SERPINB5: variants seen among roughly 807,000 people sequenced by gnomAD.
The protein encoded by SERPINB5 is serpin family B member 5, also known as serpin B5.
In SERPINB5, 27 loss-of-function variants were observed where a neutral mutation model predicts 32.2. The observed-to-expected ratio is 0.84, with a 90% CI of 0.62 to 1.16. SERPINB5 has a LOEUF of 1.16. Ranked by LOEUF, SERPINB5 falls within the 50% of genes most tolerant of loss-of-function variation. The pLI is 0.00. For synonymous variants in SERPINB5, 154 were observed against 157.4 expected (o/e 0.98, Z 0.16); for missense variants, 388 against 436.3 (o/e 0.89, Z 0.99).
In SERPINB5 at chr18:63,484,665, C is replaced by A. The variant is rs2292295; in HGVS notation, c.168+69C>A. The A allele has an allele frequency of 6.8e-5, 92 of 1,359,412 alleles. No individual in the cohort carries two copies. In the African/African-American group the frequency reaches 9.0e-4, roughly 13 times the overall value. The allele number at this position is 1,359,412 out of a possible 1,614,324, so 84.2% of individuals were successfully genotyped here. On this transcript the variant is annotated intron_variant, in intron 2 of 6. Coordinates refer to ENST00000382771, the MANE Select transcript of SERPINB5 (RefSeq NM_002639.5). ...TATTAGAACCCATAGGCAGTGCCTA[C>A]GGAAAAAAGGAATGTAGACTTTGTG... is the stretch of plus-strand genomic sequence containing the variant.
intron 2 of SERPINB5, 79 bp from the exon 3 acceptor site, chr18:63,486,867 G>A: frequency 2.7e-6 from 4 of 1,470,088 alleles, no homozygotes; most frequent in Admixed American, 1.9e-5. Flanking sequence ...CAAGGACGTT[G>A]GTCATTATCA....
chr18:63,497,283 C>G lies in SERPINB5; in HGVS notation c.568-1837C>G. On this transcript the variant is annotated intron_variant, in intron 5 of 6. Coordinates refer to ENST00000382771, the MANE Select transcript of SERPINB5 (RefSeq NM_002639.5). ...TTGGCAGCTTGATCATTGGTTATTCCAGGAACCCATCTCTCAAGCAGCAGC... is the reference window on the plus strand; with the variant it reads ...TTGGCAGCTTGATCATTGGTTATTCGAGGAACCCATCTCTCAAGCAGCAGC... 5.1e-6 allele frequency: 6 copies of G among 1,169,622 alleles called. No individual in the cohort carries two copies. In the South Asian group the frequency reaches 7.2e-5, roughly 14 times the overall value. The allele number at this position is 1,169,622 out of a possible 1,614,324, so 72.5% of individuals were successfully genotyped here. A position where few individuals can be genotyped will look rare whatever the true frequency, so the allele number is the denominator to read the frequency against.
At chr18:63,493,307 A>G in intron 5 of SERPINB5, 1 of 636,524 alleles carries the variant, frequency 1.6e-6, no homozygotes, top group Non-Finnish European at 2.7e-6. Context: ...GTCTTCAAGG[A>G]TCTGAGCTGA....
chr18:63,499,757 G>T (rs892530378), intron 6 of SERPINB5, among the ~76,000 whole-genome samples: 8 of 152,040 alleles, frequency 5.3e-5, no homozygotes, highest in African/African-American at 1.9e-4. Context: ...GCTACGCACT[G>T]CCAGGTCCAC....
At chr18:63,491,272 C>T (rs1246073933) in intron 4 of SERPINB5, among the ~76,000 whole-genome samples, 6 of 151,594 alleles carry the variant, frequency 4.0e-5, no homozygotes, top group African/African-American at 9.7e-5. Flanking sequence ...CATGGTGTCA[C>T]GCACCTGTAG....
At chr18:63,491,398 G>A (rs1234578071) in intron 4 of SERPINB5, among the ~76,000 whole-genome samples, 2 of 94,022 alleles carry the variant, frequency 2.1e-5, no homozygotes, top group African/African-American at 4.2e-5. Flanking sequence ...GAGAAACTGC[G>A]TCTCCCAAAA....
In SERPINB5 at chr18:63,484,525, A is replaced by ATCTG. The variant is rs747420709; in HGVS notation, c.101_104dup (p.Thr37LeufsTer12). The ATCTG allele has an allele frequency of 6.2e-7, 1 of 1,614,134 alleles. No individual in the cohort carries two copies. Among genetic ancestry groups the ATCTG allele is most frequent in the South Asian group, 1.1e-5 (1 of 91,068 alleles). ...ACTGGGCAATGTCCTCTTCTCTCCA[A>ATCTG]TCTGTCTCTCCACCTCTCTGTCACT... On this transcript the variant is annotated frameshift_variant, in exon 2 of 7. Coordinates refer to ENST00000382771, the MANE Select transcript of SERPINB5 (RefSeq NM_002639.5). LOFTEE classifies it high-confidence loss of function.
chr18:63,499,034 TGCGC>T (rs71821111), intron 5 of SERPINB5, 82 bp from the exon 6 acceptor site: 62,488 of 539,120 alleles, frequency 0.12, 2,077 homozygotes, highest in Admixed American at 0.14. Flanking sequence ...TGTGTGTGTG[TGCGC>T]GCGTGTGTGT....
At chr18:63,503,015 T>C (rs576529441) in intron 6 of SERPINB5, among the ~76,000 whole-genome samples, 17 of 151,822 alleles carry the variant, frequency 1.1e-4, no homozygotes, top group South Asian at 8.3e-4. Context: ...CAGAACAAGA[T>C]TGTCTAAAAA....
At chr18:63,478,599 C>T (rs563243649) in intron 1 of SERPINB5, among the ~76,000 whole-genome samples, 6 of 152,080 alleles carry the variant, frequency 3.9e-5, no homozygotes, top group Admixed American at 1.3e-4. Flanking sequence ...TTTGGCATTC[C>T]ATTACTGATA....
At position 63,499,199 on chromosome 18, in the gene SERPINB5, T is replaced by C. The variant is rs761608160; in HGVS notation, c.647T>C (p.Ile216Thr). The C allele has an allele frequency of 3.1e-6, 5 of 1,602,408 alleles. No homozygotes were observed. In the Admixed American group the frequency reaches 8.5e-5, roughly 27 times the overall value. Residue 216 changes from isoleucine (I) to threonine (T), a missense_variant, in exon 6 of 7, where the codon ATC becomes ACC. Transcript: ENST00000382771. ...MGNIDSINCK[I>T]IELPFQNKHL... ...AACATTGACAGTATCAATTGTAAGA[T>C]CATAGAGCTTCCTTTTCAAAATAAG...
Position 63,503,546 on chromosome 18 carries a change from G to T in SERPINB5, c.952G>T (p.Val318Phe). 6.2e-7 allele frequency: 1 copy of T among 1,614,238 alleles called. No homozygotes were observed. Among genetic ancestry groups the T allele is most frequent in the Non-Finnish European group, 8.5e-7 (1 of 1,180,042 alleles). The change falls in exon 7 of 7, where the codon GTT becomes TTT. Residue 318 changes from valine (V) to phenylalanine (F), a missense_variant. By Grantham distance (50) the Val-to-Phe change is conservative. Transcript: ENST00000382771. Reference protein sequence around the residue: ...SETKGVALSNVIHKVCLEITE... With the variant: ...SETKGVALSNFIHKVCLEITE... Reference sequence around the variant, plus strand: ...GACCAAGGGAGTGGCCCTATCAAATGTTATCCACAAAGTGTGCTTAGAAAT... The same window carrying T: ...GACCAAGGGAGTGGCCCTATCAAATTTTATCCACAAAGTGTGCTTAGAAAT...
At chr18:63,493,482 A>G (rs1909383066) in intron 5 of SERPINB5, 2 of 434,302 alleles carry the variant, frequency 4.6e-6, no homozygotes, top group Non-Finnish European at 8.0e-6. Context: ...CTTGTTCCTG[A>G]TTGATTAACT....
rs777782137 is a variant in SERPINB5 at position 63,493,093 on chromosome 18, A to G, written c.565A>G (p.Lys189Glu). 6.2e-7 allele frequency: 1 copy of G among 1,614,216 alleles called. No homozygotes were observed. Among genetic ancestry groups the G allele is most frequent in the Non-Finnish European group, 8.5e-7 (1 of 1,180,044 alleles). Residue 189 changes from lysine to glutamate, a missense_variant and splice_region_variant, in exon 5 of 7, where the codon AAG (lysine) becomes GAG (glutamate). Coordinates refer to ENST00000382771, the MANE Select transcript of SERPINB5 (RefSeq NM_002639.5). ...AAAAGAATGTCCTTTCAGAGTCAAC[A>G]AGGTATGTGGGGCAGCATGTAGCAG... ...ETKECPFRVN[K>E]TDTKPVQMMN...
chr18:63,482,094 C>T (rs1050463367), intron 1 of SERPINB5, among the ~76,000 whole-genome samples: 9 of 152,178 alleles, frequency 5.9e-5, no homozygotes, highest in African/African-American at 1.7e-4. Context: ...ATAATGAACT[C>T]GCTTTTTCAG....
At chr18:63,488,590 A>G (rs1168819884) in intron 3 of SERPINB5, among the ~76,000 whole-genome samples, 2 of 152,210 alleles carry the variant, frequency 1.3e-5, no homozygotes, top group African/African-American at 4.8e-5. Context: ...GATCTCTTGC[A>G]TAAGAACTAT....
intron 1 of SERPINB5, among the ~76,000 whole-genome samples, chr18:63,480,078 T>C (rs1057119017): frequency 1.3e-5 from 2 of 152,300 alleles, no homozygotes; most frequent in East Asian, 1.9e-4. Context: ...TCTCACTCCC[T>C]GCGTGGGTGG....
intron 4 of SERPINB5, chr18:63,490,595 A>AAGTGGGTAGCTGG (rs1909313169): frequency 6.6e-6 from 1 of 152,194 alleles, no homozygotes; most frequent in African/African-American, 2.4e-5. Context: ...ACTTCCTGCG[A>AAGTGGGTAGCTGG]GAATGACTGG....
At chr18:63,477,987 G>A (rs1917062424) in intron 1 of SERPINB5, among the ~76,000 whole-genome samples, 1 of 152,188 alleles carries the variant, frequency 6.6e-6, no homozygotes, top group Admixed American at 6.5e-5. Context: ...CCACAACACC[G>A]TGGGTTCTGT....
Sources: gnomAD v4.1 joint callset for allele counts (sites outside exome capture counted in the v4.1 genomes callset) on GRCh38, gnomAD v4.1.1 for gene constraint, MANE v1.5 for transcripts, NCBI Gene and HGNC (gene_info 2026-07-23, HGNC 2026-07-21) for gene names.